The following FER1L6 variants were observed in gnomAD, a reference collection of about 807,000 sequenced individuals.
FER1L6 encodes the protein fer-1 like family member 6.
In FER1L6, 177 loss-of-function variants were observed where a neutral mutation model predicts 219.2. The observed-to-expected ratio is 0.81, with a 90% CI of 0.71 to 0.91. The LOEUF is 0.91. Among genes scored for constraint, FER1L6 ranks in the 40% least tolerant of loss-of-function variants. The pLI is 0.00. For missense variants in FER1L6, 2,153 were observed against 2,259.9 expected, an observed-to-expected ratio of 0.95 and a Z score of 0.96; for synonymous variants, 768 against 824.3, an observed-to-expected ratio of 0.93 and a Z score of 1.17.
chr8:123,959,338 C>T (rs183299422), intron 2 of FER1L6, among the ~76,000 whole-genome samples: 5 of 152,138 alleles, frequency 3.3e-5, no homozygotes, highest in African/African-American at 1.2e-4. Flanking sequence ...TGTCTTTGAA[C>T]GTTCACTGGA....
At chr8:124,024,196 A>ATTT (rs201365446) in intron 18 of FER1L6, among the ~76,000 whole-genome samples, 1 of 142,460 alleles carries the variant, frequency 7.0e-6, no homozygotes, top group African/African-American at 2.6e-5. Context: ...GTACTTGGCC[A>ATTT]TTTTTTTTTT....
At chr8:124,075,347 C>G (rs1295644852) in intron 31 of FER1L6, among the ~76,000 whole-genome samples, 6 of 152,112 alleles carry the variant, frequency 3.9e-5, no homozygotes, top group East Asian at 1.9e-4. Flanking sequence ...AACACACACA[C>G]GTTAGCCTAG....
intron 1 of FER1L6, among the ~76,000 whole-genome samples, chr8:123,869,644 T>A (rs1414174574): frequency 6.6e-6 from 1 of 152,176 alleles, no homozygotes; most frequent in East Asian, 1.9e-4. Flanking sequence ...TTTAATAAAA[T>A]CTCAGTTTAA....
intron 2 of FER1L6, 59 bp from the exon 3 acceptor site, chr8:123,963,219 G>A: frequency 6.2e-7 from 1 of 1,604,370 alleles, no homozygotes; most frequent in African/African-American, 1.3e-5. Context: ...TAAGGTAGAG[G>A]CTCGATTGCC....
At chr8:123,856,277 T>TATGAG (rs1816642028) in intron 1 of FER1L6, among the ~76,000 whole-genome samples, 2 of 117,146 alleles carry the variant, frequency 1.7e-5, no homozygotes, top group African/African-American at 6.5e-5. Flanking sequence ...TGTATATGTG[T>TATGAG]ATATATGTGT....
chr8:123,856,296 A>ATATATATGTATGTGTG (rs2130241270), intron 1 of FER1L6, among the ~76,000 whole-genome samples: 1 of 71,574 alleles, frequency 1.4e-5, no homozygotes, highest in South Asian at 6.1e-4. Flanking sequence ...GTGTGTGTAT[A>ATATATATGTATGTGTG]TATATATATA....
chr8:124,032,568 C>G (rs1819018592), intron 18 of FER1L6, among the ~76,000 whole-genome samples: 1 of 151,918 alleles, frequency 6.6e-6, no homozygotes, highest in Admixed American at 6.6e-5. Flanking sequence ...ATCTCTACCT[C>G]CCAAAAAATC....
At chr8:124,052,000 C>A (rs1373615515) in intron 22 of FER1L6, among the ~76,000 whole-genome samples, 2 of 152,182 alleles carry the variant, frequency 1.3e-5, no homozygotes, top group Non-Finnish European at 2.9e-5. Flanking sequence ...CAAGCATTGG[C>A]TCTAGTTCCA....
At chr8:124,035,882 G>GT (rs1336899848) in intron 19 of FER1L6, 1 of 154,538 alleles carries the variant, frequency 6.5e-6, no homozygotes, top group Non-Finnish European at 1.4e-5. Flanking sequence ...TAGTAACCCA[G>GT]TGGAGACTGG....
intron 12 of FER1L6, among the ~76,000 whole-genome samples, chr8:123,988,294 G>A (rs1816691334): frequency 6.6e-6 from 1 of 152,142 alleles, no homozygotes; most frequent in East Asian, 1.9e-4. Flanking sequence ...GCTTAGAATA[G>A]CTTTGGCTAT....
At chr8:124,112,163 C>T (rs1240501508) in intron 39 of FER1L6, among the ~76,000 whole-genome samples, 1 of 152,158 alleles carries the variant, frequency 6.6e-6, no homozygotes, top group Non-Finnish European at 1.5e-5. Flanking sequence ...TCTCTAATTC[C>T]AACTCCGTGT....
Position 123,852,471 on chromosome 8 carries a change from C to CGTGTGTGTGTGTGT in FER1L6, c.-8+315_-8+328dup, listed in dbSNP as rs61303449. On this transcript the variant is annotated intron_variant, in intron 1 of 40. Transcript: ENST00000522917. The surrounding 1 kb of genome is among the most constrained non-coding windows in gnomAD (Gnocchi z 4.9). Reference sequence around the variant, plus strand: ...GCTTGAACTCCATGTTGTGAGCATGCGTGTGTGTGTGTGTGTGTGTGTGTG... The same window carrying CGTGTGTGTGTGTGT: ...GCTTGAACTCCATGTTGTGAGCATGCGTGTGTGTGTGTGTGTGTGTGTGTGTGTGTGTGTGTGTG... 5.7e-5 allele frequency among the ~76,000 whole-genome samples: 8 copies of CGTGTGTGTGTGTGT among 139,950 alleles called. No individual in the cohort carries two copies. Among genetic ancestry groups the CGTGTGTGTGTGTGT allele is most frequent in the Non-Finnish European group, 3.1e-5 (2 of 64,986 alleles). 91.8% of individuals were successfully genotyped at this position (139,950 alleles called of 152,430 possible).
At position 124,119,802 on chromosome 8, in the gene FER1L6, G is replaced by T; in HGVS notation, c.*12G>T. On this transcript the variant is annotated 3_prime_UTR_variant, in exon 41 of 41. Coordinates refer to ENST00000522917, the MANE Select transcript of FER1L6 (RefSeq NM_001039112.2). Reference sequence around the variant, plus strand: ...TTGTGGGCTCATAGAGGATCATGGAGGACCCAGATCCTCGCCATATACTAA... The same window carrying T: ...TTGTGGGCTCATAGAGGATCATGGATGACCCAGATCCTCGCCATATACTAA... 10 of 1,612,570 alleles carry T rather than the reference G, an allele frequency of 6.2e-6. No homozygotes were observed. The highest frequency in any genetic ancestry group is 8.5e-6 in the Non-Finnish European group (10 of 1,179,344).
chr8:124,098,549 A>C lies in FER1L6; in HGVS notation c.4883+666A>C, dbSNP rs1266305034. Among the ~76,000 whole-genome samples, 5 of 152,184 alleles carry C rather than the reference A, an allele frequency of 3.3e-5. 1 individual carries two copies. The highest frequency in any genetic ancestry group is 3.3e-4 in the Admixed American group (5 of 15,278). On this transcript the variant is annotated intron_variant, in intron 37 of 40. Coordinates refer to ENST00000522917, the MANE Select transcript of FER1L6 (RefSeq NM_001039112.2). ...GTCATACCACATCTGGTGGTTCAAA[A>C]TTCTCATTTTTTTCACAATAAAAAT...
At chr8:123,880,029 A>G (rs1396498863) in intron 1 of FER1L6, among the ~76,000 whole-genome samples, 1 of 152,020 alleles carries the variant, frequency 6.6e-6, no homozygotes, top group Non-Finnish European at 1.5e-5. Flanking sequence ...GAGAATTACA[A>G]CACAGCTTTA....
intron 1 of FER1L6, among the ~76,000 whole-genome samples, chr8:123,890,625 A>ATTTTTTTTTTTTTTTTTTTTTTT (rs59914385): frequency 1.1e-5 from 1 of 91,424 alleles, no homozygotes; most frequent in Non-Finnish European, 2.0e-5. Flanking sequence ...TAAAAATTTG[A>ATTTTTTTTTTTTTTTTTTTTTTT]TTTTTTTTTT....
rs1821496238 is a variant in FER1L6 at position 124,080,529 on chromosome 8, G to GTGAAAC, written c.4221-1759_4221-1758insTGAAAC. Among the ~76,000 whole-genome samples the GTGAAAC allele has an allele frequency of 7.2e-5, 11 of 152,216 alleles. No individual in the cohort carries two copies. In the South Asian group the frequency reaches 2.3e-3, roughly 32 times the overall value. On this transcript the variant is annotated intron_variant, in intron 32 of 40. Transcript: ENST00000522917. ...GACAGGGTTTCACCATGTTGGCCAG[G>GTGAAAC]CTTGTCTCGAACTCCTGGCCTCGAG...
At chr8:124,071,280 G>A (rs918645874) in intron 30 of FER1L6, among the ~76,000 whole-genome samples, 2 of 152,202 alleles carry the variant, frequency 1.3e-5, no homozygotes, top group Admixed American at 6.5e-5. Flanking sequence ...ACAGTCCTGT[G>A]AGGGGGTTGT....
At chr8:124,069,527 A>C in intron 29 of FER1L6, 52 bp downstream of exon 29, 2 of 1,345,720 alleles carry the variant, frequency 1.5e-6, no homozygotes, top group Non-Finnish European at 2.1e-6. Context: ...ATGCTCAGCA[A>C]TGAGGTTCTG....
Sources: allele counts gnomAD v4.1 joint callset (sites outside exome capture counted in the v4.1 genomes callset), GRCh38; gene constraint gnomAD v4.1.1; non-coding constraint Gnocchi (gnomAD v3.1); transcripts MANE v1.5; gene names NCBI Gene and HGNC (gene_info 2026-07-23, HGNC 2026-07-21).